RABGAP1L: variants seen among roughly 807,000 people sequenced by gnomAD.
RABGAP1L encodes RAB GTPase activating protein 1 like.
In RABGAP1L, 63 loss-of-function variants were observed where a neutral mutation model predicts 137.7. The ratio of observed to expected loss-of-function variants is 0.46; its 90% CI spans 0.37 to 0.56. The LOEUF is 0.56. Among genes scored for constraint, RABGAP1L ranks in the 20% least tolerant of loss-of-function variants. The pLI is 0.00. For missense variants in RABGAP1L, 1,095 were observed against 1,244.0 expected (o/e 0.88, Z 1.80); for synonymous variants, 431 against 433.7 (o/e 0.99, Z 0.08).
At chr1:174,526,578 A>G (rs1663890914) in intron 13 of RABGAP1L, among the ~76,000 whole-genome samples, 1 of 152,094 alleles carries the variant, frequency 6.6e-6, no homozygotes, top group Non-Finnish European at 1.5e-5. Flanking sequence ...GTATGTTTCT[A>G]GGAATTTATC....
At chr1:174,799,488 A>G (rs1473262656) in intron 18 of RABGAP1L, among the ~76,000 whole-genome samples, 1 of 152,214 alleles carries the variant, frequency 6.6e-6, no homozygotes, top group East Asian at 1.9e-4. Flanking sequence ...AGCTGTTCAG[A>G]TGACTGGCTG....
At chr1:174,329,510 CCAAT>C (rs906128263) in intron 11 of RABGAP1L, among the ~76,000 whole-genome samples, 24 of 152,156 alleles carry the variant, frequency 1.6e-4, no homozygotes, top group Middle Eastern at 3.4e-3. Flanking sequence ...GATTTGAAAA[CCAAT>C]CAAAGACACA....
chr1:174,693,914 GGC>G (rs1679056321), intron 15 of RABGAP1L, among the ~76,000 whole-genome samples: 1 of 152,114 alleles, frequency 6.6e-6, no homozygotes, highest in Non-Finnish European at 1.5e-5. Context: ...CAGAGCAAAT[GGC>G]AAATGAGATA....
At chr1:174,779,729 A>G (rs535051382) in intron 18 of RABGAP1L, among the ~76,000 whole-genome samples, 15 of 152,268 alleles carry the variant, frequency 9.9e-5, no homozygotes, top group Non-Finnish European at 1.3e-4. Context: ...TTAATTGTTT[A>G]TATGGTAAAT....
intron 1 of RABGAP1L, among the ~76,000 whole-genome samples, chr1:174,189,517 C>G (rs1667056718): frequency 6.6e-6 from 1 of 152,212 alleles, no homozygotes. Flanking sequence ...TTCTCCCCTC[C>G]AAAACTTCTG....
chr1:174,890,115 G>A (rs533719950), intron 19 of RABGAP1L, among the ~76,000 whole-genome samples: 1 of 152,242 alleles, frequency 6.6e-6, no homozygotes, highest in South Asian at 2.1e-4. Flanking sequence ...TTTATTTAGT[G>A]GTTCATTTAA....
chr1:174,868,042 C>T (rs10912844), intron 19 of RABGAP1L, among the ~76,000 whole-genome samples: 2,379 of 152,166 alleles, frequency 0.016, 43 homozygotes, highest in African/African-American at 0.055. Flanking sequence ...CTCTGCTCAC[C>T]GCAGCCTCCG....
chr1:174,742,750 A>G (rs1683549270), intron 17 of RABGAP1L, among the ~76,000 whole-genome samples: 1 of 152,218 alleles, frequency 6.6e-6, no homozygotes, highest in Non-Finnish European at 1.5e-5. Flanking sequence ...TCCGATGTGT[A>G]TCATGACTTA....
intron 13 of RABGAP1L, among the ~76,000 whole-genome samples, chr1:174,431,480 C>T (rs1274251772): frequency 6.6e-6 from 1 of 152,060 alleles, no homozygotes. Flanking sequence ...AAACAGGTAC[C>T]TCCTCACTTA....
rs551224963 is a variant in RABGAP1L, at chr1:174,976,617, G to A, written c.2649+435G>A. On this transcript the variant is annotated intron_variant, in intron 22 of 25. Coordinates refer to ENST00000681986, the MANE Select transcript of RABGAP1L (RefSeq NM_001366446.1). Reference sequence around the variant, plus strand: ...TGGGAGTTGCCACACAGCCCCTGCCGCAATCAGTCACACTTCATTTTCCTG... The same window carrying A: ...TGGGAGTTGCCACACAGCCCCTGCCACAATCAGTCACACTTCATTTTCCTG... Among the ~76,000 whole-genome samples the A allele has an allele frequency of 4.6e-5, 7 of 152,282 alleles. No homozygotes were observed. The East Asian group carries it at 9.6e-4, about 21-fold the overall frequency.
chr1:174,604,566 C>T (rs556718263), intron 13 of RABGAP1L, among the ~76,000 whole-genome samples: 68 of 152,180 alleles, frequency 4.5e-4, no homozygotes, highest in Non-Finnish European at 7.8e-4. Flanking sequence ...GATAGTTGTT[C>T]GATTTGGTAT....
intron 13 of RABGAP1L, among the ~76,000 whole-genome samples, chr1:174,583,844 A>C (rs1668920902): frequency 6.6e-6 from 1 of 152,234 alleles, no homozygotes; most frequent in African/African-American, 2.4e-5. Flanking sequence ...TATGATTGGT[A>C]TAGATAATAT....
At chr1:174,414,367 A>G (rs944618888) in intron 13 of RABGAP1L, among the ~76,000 whole-genome samples, 2 of 152,108 alleles carry the variant, frequency 1.3e-5, no homozygotes, top group African/African-American at 2.4e-5. Context: ...TTGCTGTTTT[A>G]CTTTCCCTTT....
chr1:174,586,607 T>G (rs1303219667), intron 13 of RABGAP1L, among the ~76,000 whole-genome samples: 3 of 152,150 alleles, frequency 2.0e-5, no homozygotes, highest in African/African-American at 2.4e-5. Flanking sequence ...ATGTATGTAT[T>G]ATTTATTGAG....
At position 174,231,257 on chromosome 1, in the gene RABGAP1L, A is replaced by C; in HGVS notation, c.444A>C (p.Glu148Asp). 6.2e-7 allele frequency: 1 copy of C among 1,614,104 alleles called. No individual in the cohort carries two copies. The highest frequency in any genetic ancestry group is 8.5e-7 in the Non-Finnish European group (1 of 1,179,980). ...GCMKVSSPRN[E>D]VEALRAMATM... ...TGAAGGTTTCTTCCCCACGTAATGA[A>C]GTAGAGGCTTTACGGGCAATGGCAA... Residue 148 changes from glutamate (E) to aspartate (D), a missense_variant, in exon 4 of 26, where the codon GAA (glutamate) becomes GAC (aspartate). Glu to Asp is a conservative substitution (Grantham distance 45). This residue lies in a region of RABGAP1L where 356 missense variants were observed against 326.3 expected (regional missense o/e 1.09). Transcript: ENST00000681986.
intron 18 of RABGAP1L, among the ~76,000 whole-genome samples, chr1:174,776,115 A>G (rs1686507274): frequency 6.6e-6 from 1 of 152,130 alleles, no homozygotes; most frequent in Non-Finnish European, 1.5e-5. Flanking sequence ...CACACCTGTA[A>G]TCCCAGCACT....
intron 4 of RABGAP1L, among the ~76,000 whole-genome samples, chr1:174,238,121 T>C (rs1233425316): frequency 2.0e-5 from 3 of 152,172 alleles, no homozygotes; most frequent in African/African-American, 7.2e-5. Context: ...TTCAGCTCCA[T>C]CAGCTCCTTT....
chr1:174,598,533 G>C (rs1195394459), intron 13 of RABGAP1L, among the ~76,000 whole-genome samples: 1 of 151,856 alleles, frequency 6.6e-6, no homozygotes, highest in Non-Finnish European at 1.5e-5. Context: ...ACTGTATTGG[G>C]GTCTATCTCT....
intron 19 of RABGAP1L, among the ~76,000 whole-genome samples, chr1:174,880,737 G>C (rs1465400923): frequency 1.3e-5 from 2 of 151,932 alleles, no homozygotes; most frequent in Admixed American, 1.3e-4. Context: ...GACTACAAGT[G>C]CACATCACTG....
Sources: gnomAD v4.1 joint callset for allele counts (sites outside exome capture counted in the v4.1 genomes callset) on GRCh38, gnomAD v4.1.1 for gene constraint, gnomAD v4.1.1 regional missense constraint, MANE v1.5 for transcripts, NCBI Gene and HGNC (gene_info 2026-07-23, HGNC 2026-07-21) for gene names.